RAPGEF1: variants seen among roughly 807,000 people sequenced by gnomAD.
The protein encoded by RAPGEF1 is CRK SH3-binding GNRP.
Under a neutral mutation model 143.3 loss-of-function variants are expected in RAPGEF1, and 33 were observed. The ratio of observed to expected loss-of-function variants is 0.23; its 90% CI spans 0.17 to 0.31. The LOEUF (loss-of-function observed/expected upper bound fraction) is 0.31, where lower values mean the gene tolerates loss of function less well. RAPGEF1 is among the 10% of genes least tolerant of loss of function. The pLI, the probability that RAPGEF1 is intolerant of heterozygous loss-of-function variation, is 1.00. For synonymous variants in RAPGEF1, 629 were observed against 676.5 expected, an observed-to-expected ratio of 0.93 and a Z score of 1.09; for missense variants, 1,199 against 1,645.4, an observed-to-expected ratio of 0.73 and a Z score of 4.69.
At chr9:131,603,878 T>G (rs1588360983) in intron 14 of RAPGEF1, 83 bp downstream of exon 14, 1 of 808,656 alleles carries the variant, frequency 1.2e-6, no homozygotes, top group South Asian at 1.6e-5. Flanking sequence ...CAGAAGCAGG[T>G]GCGGGGGAAG....
At chr9:131,587,688 A>G (rs897665141) in intron 22 of RAPGEF1, 48 bp downstream of exon 22, 1 of 1,556,370 alleles carries the variant, frequency 6.4e-7, no homozygotes. Context: ...GCCCACCCAG[A>G]CGTGCCACCA....
At chr9:131,708,230 T>G (rs1329379169) in intron 1 of RAPGEF1, among the ~76,000 whole-genome samples, 1 of 152,234 alleles carries the variant, frequency 6.6e-6, no homozygotes, top group African/African-American at 2.4e-5. Context: ...CACCCATATA[T>G]GCAGTTGTGA....
chr9:131,632,221 T>C (rs1272629291), intron 5 of RAPGEF1, among the ~76,000 whole-genome samples: 1 of 151,268 alleles, frequency 6.6e-6, no homozygotes, highest in Admixed American at 6.6e-5. Context: ...CTCCGCCTCC[T>C]GGGTTCATGC....
At chr9:131,725,305 G>A (rs571716050) in intron 1 of RAPGEF1, 2 of 152,314 alleles carry the variant, frequency 1.3e-5, no homozygotes, top group African/African-American at 4.8e-5. Flanking sequence ...AAGCAACGTG[G>A]TAGTCCCAGA....
chr9:131,737,441 C>T (rs1589134622), intron 1 of RAPGEF1: 2 of 1,613,910 alleles, frequency 1.2e-6, no homozygotes, highest in East Asian at 4.5e-5. Context: ...GGTCTGGCAG[C>T]CTGGGTAGCT....
At chr9:131,733,367 G>C (rs965105260) in intron 1 of RAPGEF1, among the ~76,000 whole-genome samples, 211 of 7,856 alleles carry the variant, frequency 0.027, 1 homozygote, top group Non-Finnish European at 0.076. Flanking sequence ...GGCGGGGGCG[G>C]GGGGGGGGGT....
intron 22 of RAPGEF1, among the ~76,000 whole-genome samples, chr9:131,587,039 C>CACA (rs1491534548): frequency 2.7e-4 from 25 of 92,990 alleles, no homozygotes; most frequent in Non-Finnish European, 3.3e-4. Flanking sequence ...CACACACACA[C>CACA]CCCTGCAGAG....
intron 3 of RAPGEF1, among the ~76,000 whole-genome samples, chr9:131,646,548 G>A (rs1398256457): frequency 6.6e-6 from 1 of 152,184 alleles, no homozygotes; most frequent in Non-Finnish European, 1.5e-5. Context: ...GCGGGGAAGA[G>A]GGTGAGGAAA....
chr9:131,680,096 T>C (rs1380187000), intron 1 of RAPGEF1, among the ~76,000 whole-genome samples: 1 of 152,222 alleles, frequency 6.6e-6, no homozygotes, highest in African/African-American at 2.4e-5. Flanking sequence ...TCCCCAAATT[T>C]TGATTAACAG....
intron 1 of RAPGEF1, among the ~76,000 whole-genome samples, chr9:131,662,327 A>T (rs1231126167): frequency 5.3e-5 from 8 of 152,186 alleles, no homozygotes. Flanking sequence ...AAACCACTTG[A>T]AAGACTTGCC....
At chr9:131,686,502 C>A (rs1397150121) in intron 1 of RAPGEF1, among the ~76,000 whole-genome samples, 1 of 152,202 alleles carries the variant, frequency 6.6e-6, no homozygotes, top group Non-Finnish European at 1.5e-5. Context: ...GGCAGCCACA[C>A]AAGGAGCTGC....
chr9:131,696,876 C>A (rs546772952), intron 1 of RAPGEF1, among the ~76,000 whole-genome samples: 1 of 152,306 alleles, frequency 6.6e-6, no homozygotes, highest in Admixed American at 6.5e-5. Context: ...GCTATAATAA[C>A]ATTAACAGCT....
chr9:131,597,285 GA>G (rs1955466597), intron 16 of RAPGEF1, among the ~76,000 whole-genome samples: 1 of 152,200 alleles, frequency 6.6e-6, no homozygotes, highest in Non-Finnish European at 1.5e-5. Flanking sequence ...CTAGGAGTAG[GA>G]ACTATGCCTT....
chr9:131,635,900 C>T (rs779132793), intron 5 of RAPGEF1, among the ~76,000 whole-genome samples: 3 of 152,202 alleles, frequency 2.0e-5, no homozygotes, highest in Non-Finnish European at 4.4e-5. Flanking sequence ...GTACAAAAAG[C>T]ACCCCATAAA....
intron 25 of RAPGEF1, among the ~76,000 whole-genome samples, chr9:131,582,035 A>G (rs1337960812): frequency 6.6e-6 from 1 of 152,212 alleles, no homozygotes; most frequent in Non-Finnish European, 1.5e-5. Flanking sequence ...GGCTCTCGTA[A>G]GTCCTGCAAC....
At chr9:131,606,964 A>G (rs1021810102) in intron 12 of RAPGEF1, among the ~76,000 whole-genome samples, 2 of 152,172 alleles carry the variant, frequency 1.3e-5, no homozygotes, top group Non-Finnish European at 2.9e-5. Flanking sequence ...ACCTGTACAA[A>G]GAGCTACCGT....
chr9:131,628,787 G>A lies in RAPGEF1; in HGVS notation c.894-115C>T, dbSNP rs1296691764. The A allele has an allele frequency of 7.3e-6, 10 of 1,374,940 alleles. No homozygotes were observed. In the East Asian group the frequency reaches 2.1e-4, roughly 29 times the overall value. The allele number at this position is 1,374,940 out of a possible 1,614,324, so 85.2% of individuals were successfully genotyped here. On this transcript the variant is annotated intron_variant, in intron 7 of 26. Transcript: ENST00000683357. The surrounding 1 kb of genome is among the most constrained non-coding windows in gnomAD (Gnocchi z 5.7). ...CATTACTAGACTCTCCACACCCAAT[G>A]TTCACACTTCAACTCCTGCCTACTC...
chr9:131,704,759 G>A (rs183217257), intron 1 of RAPGEF1, among the ~76,000 whole-genome samples: 131 of 152,236 alleles, frequency 8.6e-4, no homozygotes, highest in Admixed American at 1.5e-3. Flanking sequence ...AGAGAGGAAA[G>A]GAAGGAATGA....
At chr9:131,591,568 T>A (rs1954267150) in intron 18 of RAPGEF1, among the ~76,000 whole-genome samples, 1 of 152,166 alleles carries the variant, frequency 6.6e-6, no homozygotes, top group South Asian at 2.1e-4. Context: ...ATGGGGTAGA[T>A]CTGGGGACAG....
Sources: gnomAD v4.1 joint callset for allele counts (sites outside exome capture counted in the v4.1 genomes callset) on GRCh38, gnomAD v4.1.1 for gene constraint, Gnocchi (gnomAD v3.1) non-coding constraint, MANE v1.5 for transcripts, NCBI Gene and HGNC (gene_info 2026-07-23, HGNC 2026-07-21) for gene names.